Variants in SDK2 observed in about 807,000 individuals in gnomAD.
The protein encoded by SDK2 is protein sidekick-2.
Under a neutral mutation model 253.9 loss-of-function variants are expected in SDK2, and 105 were observed. The ratio of observed to expected loss-of-function variants is 0.41; its 90% CI spans 0.35 to 0.49. The LOEUF is 0.49. SDK2 is among the 20% of genes least tolerant of loss of function. SDK2 has a pLI of 0.06. For missense variants in SDK2, 2,608 were observed against 3,003.0 expected (o/e 0.87, Z 3.07); for synonymous variants, 1,249 against 1,234.9 (o/e 1.01, Z -0.24).
At position 73,639,351 on chromosome 17, in the gene SDK2, C is replaced by T. The variant is rs145139186; in HGVS notation, c.64+4674G>A. 7.1e-3 allele frequency among the ~76,000 whole-genome samples: 1,080 copies of T among 152,276 alleles called. 10 individuals carry two copies. The highest frequency in any genetic ancestry group is 0.013 in the Non-Finnish European group (876 of 68,002). On this transcript the variant is annotated intron_variant, in intron 1 of 44. Transcript: ENST00000392650. This position sits in a 1 kb window ranked among gnomAD's most constrained non-coding sequence, Gnocchi z 4.3. Reference sequence around the variant, plus strand: ...CCCTGCAGTCCCCTCTCTCCCTTCCCCCGGGGATGCTGAGCATCCCTGCTC... The same window carrying T: ...CCCTGCAGTCCCCTCTCTCCCTTCCTCCGGGGATGCTGAGCATCCCTGCTC...
In SDK2 at chr17:73,346,900, AC is replaced by A. The variant is rs2062489295; in HGVS notation, c.6165+1698del. Reference sequence around the variant, plus strand: ...TGCAGCTGCTGATCCTCAGGGACGTACCCTTGCACAAACTGTCACAGGCAGG... The same window carrying A: ...TGCAGCTGCTGATCCTCAGGGACGTACCTTGCACAAACTGTCACAGGCAGG... On this transcript the variant is annotated intron_variant, in intron 44 of 44. Coordinates refer to ENST00000392650, the MANE Select transcript of SDK2 (RefSeq NM_001144952.2). Among the ~76,000 whole-genome samples the A allele has an allele frequency of 2.0e-5, 3 of 152,280 alleles. No homozygotes were observed. The South Asian group carries it at 6.2e-4, about 32-fold the overall frequency.
At chr17:73,350,866 C>A in intron 41 of SDK2, 76 bp from the exon 42 acceptor site, 1 of 1,430,120 alleles carries the variant, frequency 7.0e-7, no homozygotes, top group Non-Finnish European at 9.5e-7. Flanking sequence ...AGTTGGGACC[C>A]TACTAACTGC....
rs577026605 is a variant in SDK2, at chr17:73,616,559, G to C, written c.64+27466C>G. Among the ~76,000 whole-genome samples the C allele has an allele frequency of 3.9e-5, 6 of 152,186 alleles. No homozygotes were observed. Among genetic ancestry groups the C allele is most frequent in the Non-Finnish European group, 7.3e-5 (5 of 68,040 alleles). On this transcript the variant is annotated intron_variant, in intron 1 of 44. Coordinates refer to ENST00000392650, the MANE Select transcript of SDK2 (RefSeq NM_001144952.2). This position sits in a 1 kb window ranked among gnomAD's most constrained non-coding sequence, Gnocchi z 5.2. Reference sequence around the variant, plus strand: ...CTGGCTGAATTACCACGTGGCAGCAGATCCTTTTTCTGGAGTAATGGAATC... The same window carrying C: ...CTGGCTGAATTACCACGTGGCAGCACATCCTTTTTCTGGAGTAATGGAATC...
At chr17:73,359,099 C>T (rs1031306755) in intron 39 of SDK2, among the ~76,000 whole-genome samples, 1 of 152,064 alleles carries the variant, frequency 6.6e-6, no homozygotes, top group Non-Finnish European at 1.5e-5. Flanking sequence ...GGGCTCTGTA[C>T]CCCCAGAGCT....
chr17:73,344,280 C>G (rs969462886), intron 44 of SDK2, among the ~76,000 whole-genome samples: 3 of 152,200 alleles, frequency 2.0e-5, no homozygotes, highest in African/African-American at 7.2e-5. Flanking sequence ...GGTAAAGTGA[C>G]AGCCAATGTG....
chr17:73,569,355 A>G (rs1227701290), intron 1 of SDK2, among the ~76,000 whole-genome samples: 1 of 151,416 alleles, frequency 6.6e-6, no homozygotes, highest in Non-Finnish European at 1.5e-5. Context: ...ACGCCACCAC[A>G]CCCAGCTAAT....
intron 1 of SDK2, among the ~76,000 whole-genome samples, chr17:73,548,270 T>C (rs2044998024): frequency 1.3e-5 from 2 of 152,220 alleles, no homozygotes; most frequent in East Asian, 3.8e-4. Flanking sequence ...ACATGCCCTT[T>C]CTGCTGCCCT....
intron 1 of SDK2, among the ~76,000 whole-genome samples, chr17:73,545,899 G>T (rs1451949084): frequency 1.3e-5 from 2 of 152,174 alleles, no homozygotes; most frequent in Non-Finnish European, 2.9e-5. Context: ...CTCAGGACTG[G>T]GTTGGATCAG....
chr17:73,579,346 A>G (rs1278670249), intron 1 of SDK2, among the ~76,000 whole-genome samples: 1 of 152,168 alleles, frequency 6.6e-6, no homozygotes, highest in Non-Finnish European at 1.5e-5. Context: ...GCCCTCTGCA[A>G]CTTTATGGGG....
At chr17:73,594,696 C>T (rs1434118900) in intron 1 of SDK2, among the ~76,000 whole-genome samples, 1 of 152,078 alleles carries the variant, frequency 6.6e-6, no homozygotes, top group Non-Finnish European at 1.5e-5. Flanking sequence ...CACACATATG[C>T]ACACAAATAC....
intron 1 of SDK2, among the ~76,000 whole-genome samples, chr17:73,524,231 C>T (rs1352641896): frequency 1.3e-5 from 2 of 152,160 alleles, no homozygotes; most frequent in African/African-American, 4.8e-5. Context: ...CCTCGGGCAG[C>T]AGGATTGGCA....
In SDK2 at chr17:73,437,839, C is replaced by G. The variant is rs905495985; in HGVS notation, c.917-17G>C. The G allele has an allele frequency of 5.0e-6, 8 of 1,613,408 alleles. No homozygotes were observed. The highest frequency in any genetic ancestry group is 1.6e-4 in the Middle Eastern group (1 of 6,074). ...GAGGCGGTTCTGCAGGAGGAAGGACCAGGGGAGGGGGTCAGAGCCATGCTC... is the reference window on the plus strand; with the variant it reads ...GAGGCGGTTCTGCAGGAGGAAGGACGAGGGGAGGGGGTCAGAGCCATGCTC... On this transcript the variant is annotated splice_polypyrimidine_tract_variant and intron_variant, in intron 7 of 44. Transcript: ENST00000392650.
At chr17:73,381,718 A>G (rs1227353542) in intron 33 of SDK2, among the ~76,000 whole-genome samples, 1 of 151,452 alleles carries the variant, frequency 6.6e-6, no homozygotes, top group Non-Finnish European at 1.5e-5. Context: ...GAGCCTGGCC[A>G]ACACAGTGAA....
chr17:73,433,844 G>A lies in SDK2; in HGVS notation c.1200C>T (p.Ile400=), dbSNP rs1186049014. 2.6e-6 allele frequency: 4 copies of A among 1,539,344 alleles called. No individual in the cohort carries two copies. Among genetic ancestry groups the A allele is most frequent in the Admixed American group, 3.9e-5 (2 of 51,070 alleles). Residue 400 remains isoleucine (I), a synonymous_variant, in exon 10 of 45, where the codon ATC becomes ATT. Coordinates refer to ENST00000392650, the MANE Select transcript of SDK2 (RefSeq NM_001144952.2). ...QTSTYLAVTS[I]APNITRGPLD... ...GGGGGCCTCTGGTGATGTTAGGGGC[G>A]ATGCCTGCAAACAGAGAAGTGGGGC...
At chr17:73,464,055 T>C (rs1304294380) in intron 3 of SDK2, among the ~76,000 whole-genome samples, 1 of 152,202 alleles carries the variant, frequency 6.6e-6, no homozygotes, top group Non-Finnish European at 1.5e-5. Flanking sequence ...AATGGTACTT[T>C]GTTGTGGTTT....
chr17:73,469,125 A>T (rs8066477), intron 3 of SDK2, among the ~76,000 whole-genome samples: 93,706 of 152,036 alleles, frequency 0.62, 29,191 homozygotes, highest in Middle Eastern at 0.69. Flanking sequence ...ACCTGGCCAG[A>T]CCACTCTTTT....
rs2062968185 is a variant in SDK2, at chr17:73,395,996, A to G, written c.3355-604T>C. Among the ~76,000 whole-genome samples the G allele has an allele frequency of 6.6e-6, 1 of 151,776 alleles. No homozygotes were observed. The highest frequency in any genetic ancestry group is 2.4e-5 in the African/African-American group (1 of 41,288). ...CCATGGTGCTGTCTCAGCTCACTGC[A>G]ACCTCTACCTCCTGGGCTCAAGCAA... On this transcript the variant is annotated intron_variant, in intron 24 of 44. Transcript: ENST00000392650. The surrounding 1 kb of genome is among the most constrained non-coding windows in gnomAD (Gnocchi z 4.3).
chr17:73,424,124 G>A, intron 12 of SDK2, 32 bp from the exon 13 acceptor site: 2 of 1,580,760 alleles, frequency 1.3e-6, no homozygotes, highest in Non-Finnish European at 1.7e-6. Flanking sequence ...AAGTACAGAG[G>A]GAGAGGAAGG....
intron 16 of SDK2, among the ~76,000 whole-genome samples, chr17:73,418,660 CT>C (rs2063203007): frequency 1.3e-5 from 2 of 152,182 alleles, no homozygotes; most frequent in African/African-American, 4.8e-5. Flanking sequence ...TTTAGTGACC[CT>C]TAATGACTCC....
Sources: allele counts gnomAD v4.1 joint callset (sites outside exome capture counted in the v4.1 genomes callset), GRCh38; gene constraint gnomAD v4.1.1; non-coding constraint Gnocchi (gnomAD v3.1); transcripts MANE v1.5; gene names NCBI Gene and HGNC (gene_info 2026-07-23, HGNC 2026-07-21).